The following DENND1A variants were observed in gnomAD, a reference collection of about 807,000 sequenced individuals.
DENND1A encodes DENN domain-containing protein 1A.
In DENND1A, 51 loss-of-function variants were observed where a neutral mutation model predicts 113.7. The ratio of observed to expected loss-of-function variants is 0.45; its 90% CI spans 0.36 to 0.57. DENND1A has a LOEUF of 0.57. Ranked by LOEUF, DENND1A falls within the 20% of genes least tolerant of loss-of-function variation. The pLI is 0.00. For synonymous variants in DENND1A, 565 were observed against 570.8 expected, an observed-to-expected ratio of 0.99 and a Z score of 0.14; for missense variants, 1,258 against 1,395.9, an observed-to-expected ratio of 0.90 and a Z score of 1.57.
intron 11 of DENND1A, among the ~76,000 whole-genome samples, chr9:123,595,939 A>C (rs534518551): frequency 6.6e-6 from 1 of 152,258 alleles, no homozygotes; most frequent in African/African-American, 2.4e-5. Context: ...GAGCCTACTC[A>C]CACTCTGACT....
intron 1 of DENND1A, among the ~76,000 whole-genome samples, chr9:123,890,598 C>A (rs1849762001): frequency 6.6e-6 from 1 of 152,178 alleles, no homozygotes; most frequent in Non-Finnish European, 1.5e-5. Flanking sequence ...AAATATGTGT[C>A]AGATATTTTT....
chr9:123,590,103 G>A (rs370251989), intron 11 of DENND1A, among the ~76,000 whole-genome samples: 199 of 152,256 alleles, frequency 1.3e-3, no homozygotes, highest in African/African-American at 4.5e-3. Context: ...TTGCCTGCCC[G>A]TCCCCTCTCC....
chr9:123,774,240 C>T (rs1400879095), intron 3 of DENND1A, among the ~76,000 whole-genome samples: 1 of 152,054 alleles, frequency 6.6e-6, no homozygotes. Context: ...GCCTGATTGA[C>T]GATCTTAAAA....
At chr9:123,685,067 G>A (rs1274340858) in intron 5 of DENND1A, among the ~76,000 whole-genome samples, 5 of 152,326 alleles carry the variant, frequency 3.3e-5, no homozygotes, top group Non-Finnish European at 5.9e-5. Flanking sequence ...GCTGTGGCCT[G>A]AGCCATGCTC....
At chr9:123,395,468 C>CTCTG (rs367751848) in intron 21 of DENND1A, among the ~76,000 whole-genome samples, 223 of 142,984 alleles carry the variant, frequency 1.6e-3, no homozygotes, top group Admixed American at 3.8e-3. Flanking sequence ...CTCTCTCTCT[C>CTCTG]TGTGTGTGTG....
chr9:123,789,062 GTTTT>G (rs542938026), intron 3 of DENND1A, among the ~76,000 whole-genome samples: 61 of 139,448 alleles, frequency 4.4e-4, no homozygotes, highest in African/African-American at 1.5e-3. Flanking sequence ...CTTTTGCCTT[GTTTT>G]TTTTTTTTTC....
chr9:123,744,063 T>C (rs1391210562), intron 5 of DENND1A, among the ~76,000 whole-genome samples: 1 of 152,212 alleles, frequency 6.6e-6, no homozygotes, highest in East Asian at 1.9e-4. Context: ...GGTTATAATT[T>C]TTCCAAACTA....
chr9:123,394,906 G>T (rs1040069345), intron 21 of DENND1A, among the ~76,000 whole-genome samples: 1 of 152,200 alleles, frequency 6.6e-6, no homozygotes, highest in Non-Finnish European at 1.5e-5. Context: ...GCAGTGGTGG[G>T]GGCAAGAAAG....
intron 3 of DENND1A, among the ~76,000 whole-genome samples, chr9:123,772,254 A>G (rs1271392304): frequency 1.3e-5 from 2 of 152,220 alleles, no homozygotes; most frequent in Non-Finnish European, 2.9e-5. Flanking sequence ...TTTCCCAAAG[A>G]AAAATAAAAT....
chr9:123,615,238 G>T (rs1017796130), intron 10 of DENND1A, among the ~76,000 whole-genome samples: 16 of 152,156 alleles, frequency 1.1e-4, no homozygotes, highest in African/African-American at 3.9e-4. Context: ...GCATAAGGAG[G>T]GTGCTATCAG....
chr9:123,507,668 G>T (rs911406180), intron 13 of DENND1A, among the ~76,000 whole-genome samples: 1 of 150,824 alleles, frequency 6.6e-6, no homozygotes, highest in Non-Finnish European at 1.5e-5. Context: ...GGGCAACATA[G>T]CGGGACCCTC....
At chr9:123,716,433 C>G (rs62579206) in intron 5 of DENND1A, among the ~76,000 whole-genome samples, 1 of 152,108 alleles carries the variant, frequency 6.6e-6, no homozygotes, top group Non-Finnish European at 1.5e-5. Context: ...AGGGGGGAAC[C>G]AAGGGAGCCT....
intron 5 of DENND1A, among the ~76,000 whole-genome samples, chr9:123,750,113 A>T (rs1164529784): frequency 2.0e-5 from 3 of 152,174 alleles, no homozygotes; most frequent in Non-Finnish European, 4.4e-5. Flanking sequence ...ACTGCAGAAG[A>T]CACACCTGTC....
chr9:123,726,345 A>C lies in DENND1A; in HGVS notation c.302+31358T>G, dbSNP rs779751831. Among the ~76,000 whole-genome samples, 85 of 152,346 alleles carry C rather than the reference A, an allele frequency of 5.6e-4. 2 individuals are homozygous for C. The highest frequency in any genetic ancestry group is 8.7e-4 in the Non-Finnish European group (59 of 68,040). ...AAAGCCCCTCAGATAATTCAATAAT[A>C]ACGTGTCTCACATTGAATCCAAGCC... On this transcript the variant is annotated intron_variant, in intron 5 of 23. Transcript: ENST00000394215.
At chr9:123,627,862 C>T (rs781394915) in intron 10 of DENND1A, among the ~76,000 whole-genome samples, 8 of 152,024 alleles carry the variant, frequency 5.3e-5, no homozygotes, top group Admixed American at 1.3e-4. Flanking sequence ...GAGCTTCAGA[C>T]GGTTAATGAC....
chr9:123,560,730 T>G (rs2057702105), intron 12 of DENND1A, among the ~76,000 whole-genome samples: 1 of 149,358 alleles, frequency 6.7e-6, no homozygotes, highest in African/African-American at 2.5e-5. Flanking sequence ...CCTGGGAACA[T>G]ACACTGAGGG....
At chr9:123,742,243 A>G in intron 5 of DENND1A, among the ~76,000 whole-genome samples, 1 of 152,334 alleles carries the variant, frequency 6.6e-6, no homozygotes, top group African/African-American at 2.4e-5. Flanking sequence ...TGGGAAAAAA[A>G]AAAAAAAGGC....
chr9:123,443,224 G>C (rs527943934), intron 18 of DENND1A, among the ~76,000 whole-genome samples: 2 of 152,298 alleles, frequency 1.3e-5, no homozygotes, highest in Admixed American at 6.5e-5. Context: ...ACAAGTGAAG[G>C]TATTCTGAAT....
At chr9:123,387,680 C>T (rs1050970611) in intron 22 of DENND1A, 50 bp downstream of exon 22, 20 of 1,285,412 alleles carry the variant, frequency 1.6e-5, no homozygotes, top group Non-Finnish European at 1.7e-5. Flanking sequence ...CATGCAGCCC[C>T]GCAGAGTCAC....
Sources: gnomAD v4.1 joint callset for allele counts (sites outside exome capture counted in the v4.1 genomes callset) on GRCh38, gnomAD v4.1.1 for gene constraint, MANE v1.5 for transcripts, NCBI Gene and HGNC (gene_info 2026-07-23, HGNC 2026-07-21) for gene names.